Variants in IMMP2L observed in about 807,000 individuals in gnomAD.
IMMP2L encodes the protein mitochondrial inner membrane protease subunit 2.
A neutral mutation model predicts 19.3 loss-of-function variants in IMMP2L; 18 were observed. That is an observed-to-expected ratio of 0.93 (90% CI 0.64 to 1.38). IMMP2L has a LOEUF of 1.38. Ranked by LOEUF, IMMP2L falls within the 40% of genes most tolerant of loss-of-function variation. The probability of loss-of-function intolerance (pLI) is 0.00; values close to 1 mark genes in which losing one functional copy is unlikely to be tolerated. For missense variants in IMMP2L, 233 were observed against 218.2 expected (o/e 1.07, Z -0.43); for synonymous variants, 76 against 73.0 (o/e 1.04, Z -0.21).
intron 3 of IMMP2L, among the ~76,000 whole-genome samples, chr7:111,226,436 A>G (rs1813112658): frequency 6.6e-6 from 1 of 151,938 alleles, no homozygotes; most frequent in African/African-American, 2.4e-5. Context: ...CCAAAGTACC[A>G]GGATTACAGA....
At chr7:111,457,971 G>A (rs1464156836) in intron 3 of IMMP2L, among the ~76,000 whole-genome samples, 2 of 150,194 alleles carry the variant, frequency 1.3e-5, no homozygotes, top group Admixed American at 6.7e-5. Flanking sequence ...AAATGTTCGA[G>A]TGCATTTTCA....
At chr7:111,089,440 A>G (rs1796626799) in intron 3 of IMMP2L, among the ~76,000 whole-genome samples, 1 of 152,160 alleles carries the variant, frequency 6.6e-6, no homozygotes, top group Non-Finnish European at 1.5e-5. Flanking sequence ...CACAATTTTA[A>G]GATTATTCTT....
intron 3 of IMMP2L, among the ~76,000 whole-genome samples, chr7:111,165,325 A>C (rs1047043046): frequency 8.6e-5 from 13 of 152,044 alleles, no homozygotes; most frequent in Non-Finnish European, 1.3e-4. Flanking sequence ...TTCATCTGTC[A>C]ATGGATATTT....
chr7:111,010,467 A>G (rs934038072), intron 3 of IMMP2L, among the ~76,000 whole-genome samples: 1 of 152,142 alleles, frequency 6.6e-6, no homozygotes, highest in African/African-American at 2.4e-5. Context: ...ACAGGTAATC[A>G]AGCAGTACAT....
At chr7:111,381,816 G>A (rs1831229369) in intron 3 of IMMP2L, among the ~76,000 whole-genome samples, 1 of 151,978 alleles carries the variant, frequency 6.6e-6, no homozygotes, top group Non-Finnish European at 1.5e-5. Context: ...GGATATGCAG[G>A]TACCATGATG....
rs55973154 is a variant in IMMP2L at position 111,499,507 on chromosome 7, C to A, written c.136-12166G>T. Among the ~76,000 whole-genome samples, 1,056 of 152,236 alleles carry A rather than the reference C, an allele frequency of 6.9e-3. 11 individuals are homozygous for A. The highest frequency in any genetic ancestry group is 0.024 in the Middle Eastern group (7 of 294). On this transcript the variant is annotated intron_variant, in intron 2 of 5. Transcript: ENST00000405709. Reference sequence around the variant, plus strand: ...CAGTATGGAAGAGGACTCTAGGGTGCAGCTCATCTCAAATCAGAGACTTAT... The same window carrying A: ...CAGTATGGAAGAGGACTCTAGGGTGAAGCTCATCTCAAATCAGAGACTTAT...
intron 3 of IMMP2L, among the ~76,000 whole-genome samples, chr7:111,051,432 C>T (rs1233582457): frequency 1.3e-5 from 2 of 152,160 alleles, no homozygotes; most frequent in African/African-American, 4.8e-5. Flanking sequence ...AGTCTTTGTT[C>T]TGTGTCCTCT....
chr7:111,527,425 G>GC (rs1427157913), intron 1 of IMMP2L, among the ~76,000 whole-genome samples: 3 of 146,176 alleles, frequency 2.1e-5, no homozygotes, highest in Non-Finnish European at 4.5e-5. Flanking sequence ...TCCAAAAAGG[G>GC]GGGGGGGGTA....
intron 3 of IMMP2L, among the ~76,000 whole-genome samples, chr7:111,014,438 T>C (rs1825292685): frequency 6.6e-6 from 1 of 152,100 alleles, no homozygotes; most frequent in Non-Finnish European, 1.5e-5. Context: ...ACATTTTAAA[T>C]GCAAATATAA....
chr7:111,369,461 C>G (rs1830078871), intron 3 of IMMP2L, among the ~76,000 whole-genome samples: 1 of 151,764 alleles, frequency 6.6e-6, no homozygotes, highest in Admixed American at 6.6e-5. Context: ...GCTAAAATTA[C>G]TCGTGTCAAA....
chr7:111,059,831 G>C (rs1033189870), intron 3 of IMMP2L, among the ~76,000 whole-genome samples: 1 of 151,640 alleles, frequency 6.6e-6, no homozygotes, highest in African/African-American at 2.4e-5. Context: ...GCCATAAGAA[G>C]GTACTGCCTT....
intron 5 of IMMP2L, among the ~76,000 whole-genome samples, chr7:110,679,634 C>G (rs540474330): frequency 2.6e-5 from 4 of 152,162 alleles, no homozygotes; most frequent in Admixed American, 1.3e-4. Context: ...CACTGCCAAT[C>G]CCGCTGCTGT....
Position 110,973,326 on chromosome 7 carries a change from T to C in IMMP2L, c.240-9761A>G, listed in dbSNP as rs1232968600. Among the ~76,000 whole-genome samples, 3 of 152,102 alleles carry C rather than the reference T, an allele frequency of 2.0e-5. No homozygotes were observed. The East Asian group carries it at 5.8e-4, about 29-fold the overall frequency. On this transcript the variant is annotated intron_variant, in intron 3 of 5. Transcript: ENST00000405709. ...GTTGTCGGTCATACCTTAATAAATCTGGGGAAAAATTCCTAGCTGCCAGTG... is the reference window on the plus strand; with the variant it reads ...GTTGTCGGTCATACCTTAATAAATCCGGGGAAAAATTCCTAGCTGCCAGTG...
intron 3 of IMMP2L, among the ~76,000 whole-genome samples, chr7:111,220,823 C>G (rs915461314): frequency 1.5e-4 from 23 of 151,962 alleles, no homozygotes; most frequent in African/African-American, 5.6e-4. Flanking sequence ...CAGTATGAGT[C>G]TGAAGGCCTG....
chr7:111,402,380 C>A (rs1221664268), intron 3 of IMMP2L, among the ~76,000 whole-genome samples: 1 of 151,902 alleles, frequency 6.6e-6, no homozygotes, highest in Non-Finnish European at 1.5e-5. Context: ...AATTAAGATG[C>A]TGCTTTTATC....
intron 3 of IMMP2L, among the ~76,000 whole-genome samples, chr7:111,098,733 A>G (rs137991722): frequency 4.5e-4 from 68 of 151,914 alleles, no homozygotes; most frequent in Middle Eastern, 3.4e-3. Context: ...AACGTGAAAA[A>G]TAAGGCTTAG....
At chr7:111,172,565 A>G (rs1806569274) in intron 3 of IMMP2L, among the ~76,000 whole-genome samples, 2 of 151,514 alleles carry the variant, frequency 1.3e-5, no homozygotes, top group South Asian at 4.1e-4. Flanking sequence ...TAGTCACCCT[A>G]TCGTGCTAGG....
chr7:111,487,476 G>A, intron 2 of IMMP2L, 135 bp from the exon 3 acceptor site: 1 of 521,312 alleles, frequency 1.9e-6, no homozygotes, highest in South Asian at 3.3e-5. Context: ...CTGTTCTAAA[G>A]TAACTGCAAA....
intron 3 of IMMP2L, among the ~76,000 whole-genome samples, chr7:111,117,888 A>T (rs1800082748): frequency 6.6e-6 from 1 of 152,126 alleles, no homozygotes; most frequent in African/African-American, 2.4e-5. Context: ...TAGTCTTTAT[A>T]ATACACATAA....
Sources: gnomAD v4.1 joint callset for allele counts (sites outside exome capture counted in the v4.1 genomes callset) on GRCh38, gnomAD v4.1.1 for gene constraint, MANE v1.5 for transcripts, NCBI Gene and HGNC (gene_info 2026-07-23, HGNC 2026-07-21) for gene names.